Variants in USP26 observed in about 807,000 individuals in gnomAD.
USP26 encodes the protein ubiquitin carboxyl-terminal hydrolase 26.
For missense variants in USP26, 649 were observed against 642.3 expected (o/e 1.01, Z -0.11); for synonymous variants, 236 against 240.6 (o/e 0.98, Z 0.18).
chrX:133,057,940 C>T (rs868794067), intron 5 of USP26, among the ~76,000 whole-genome samples: 8 of 74,574 alleles, frequency 1.1e-4, no homozygotes, highest in African/African-American at 4.3e-4. Context: ...TGCAGTGGTG[C>T]GATCTTGGCT....
At chrX:133,068,289 T>C (rs752307211) in intron 5 of USP26, among the ~76,000 whole-genome samples, 2 of 111,648 alleles carry the variant, frequency 1.8e-5, no homozygotes, top group South Asian at 7.6e-4. Context: ...ATCAAAAAAC[T>C]ACCTATTGAT....
chrX:133,057,866 A>ATATATACATATTTTTTTTT (rs1412413450), intron 5 of USP26, among the ~76,000 whole-genome samples: 3 of 9,329 alleles, frequency 3.2e-4, no homozygotes, highest in African/African-American at 2.0e-3. Context: ...ATATATATAT[A>ATATATACATATTTTTTTTT]TTTTTTTTTT....
In USP26 at chrX:133,026,104, T is replaced by G. The variant is rs1045561672; in HGVS notation, c.2117A>C (p.Lys706Thr). Residue 706 changes from lysine to threonine, a missense_variant, in exon 6 of 6, where the codon AAG becomes ACG. Coordinates refer to ENST00000511190, the MANE Select transcript of USP26 (RefSeq NM_031907.3). Reference protein sequence around the residue: ...PKRKKYVKTSKFVAFDRIINP... With the variant: ...PKRKKYVKTSTFVAFDRIINP... ...GATAATCCTATCAAAAGCTACAAAC[T>G]TACTGGTTTTCACATATTTCTTTCG... 2.5e-6 allele frequency: 3 copies of G among 1,208,701 alleles called. No homozygotes were observed. The highest frequency in any genetic ancestry group is 4.4e-5 in the Admixed American group (2 of 45,510).
chrX:133,064,525 T>TGTC (rs1452152063), intron 5 of USP26, among the ~76,000 whole-genome samples: 3 of 110,013 alleles, frequency 2.7e-5, no homozygotes, highest in Admixed American at 9.7e-5. Flanking sequence ...TCATAACAGC[T>TGTC]TCTCAGACCA....
intron 1 of USP26, among the ~76,000 whole-genome samples, chrX:133,093,590 C>G (rs2067615420): frequency 9.2e-6 from 1 of 108,833 alleles, no homozygotes; most frequent in Non-Finnish European, 1.9e-5. Flanking sequence ...ACGATGGCAC[C>G]ACTGCACTCT....
intron 5 of USP26, among the ~76,000 whole-genome samples, chrX:133,036,537 C>T (rs1348250401): frequency 9.0e-6 from 1 of 111,730 alleles, no homozygotes; most frequent in Admixed American, 9.5e-5. Context: ...CACGGTATTC[C>T]ATGGTGTATA....
At chrX:133,076,298 G>A in intron 5 of USP26, among the ~76,000 whole-genome samples, 1 of 110,990 alleles carries the variant, frequency 9.0e-6, no homozygotes, top group Middle Eastern at 4.7e-3. Flanking sequence ...TTCCACAATG[G>A]TGACAGACTC....
chrX:133,067,506 A>C (rs1018316066), intron 5 of USP26, among the ~76,000 whole-genome samples: 3 of 112,872 alleles, frequency 2.7e-5, no homozygotes, highest in Non-Finnish European at 5.6e-5. Context: ...ATGAATAAAG[A>C]AAATGTTGCA....
At chrX:133,061,925 C>T (rs1197625444) in intron 5 of USP26, among the ~76,000 whole-genome samples, 3 of 111,341 alleles carry the variant, frequency 2.7e-5, no homozygotes, top group Admixed American at 9.5e-5. Flanking sequence ...GGAACCTGAG[C>T]GAGACAGAAC....
chrX:133,026,819 G>T lies in USP26; in HGVS notation c.1402C>A (p.Leu468Ile). ...GGATGTGCTTTTATTCTTTGGGGAA[G>T]GTTGATGGAGAGGTAATTATTCAGT... is the stretch of plus-strand genomic sequence containing the variant. Reference protein sequence around the residue: ...TELNNYLSINLPQRIKAHPSS... With the variant: ...TELNNYLSINIPQRIKAHPSS... The change falls in exon 6 of 6, where the codon CTT (leucine) becomes ATT (isoleucine). Residue 468 changes from leucine to isoleucine, a missense_variant. Transcript: ENST00000511190. The T allele has an allele frequency of 8.3e-7, 1 of 1,211,144 alleles. No homozygotes were observed. The highest frequency in any genetic ancestry group is 1.1e-6 in the Non-Finnish European group (1 of 895,233).
chrX:133,088,069 C>T (rs1456169245), intron 4 of USP26, among the ~76,000 whole-genome samples: 1 of 111,640 alleles, frequency 9.0e-6, no homozygotes, highest in African/African-American at 3.3e-5. Flanking sequence ...ACTCAGGGGG[C>T]TGAGGCATGA....
At chrX:133,064,423 T>C (rs1237145304) in intron 5 of USP26, among the ~76,000 whole-genome samples, 1 of 111,759 alleles carries the variant, frequency 8.9e-6, no homozygotes, top group African/African-American at 3.3e-5. Context: ...CAACAGAATA[T>C]ACATTCTTCT....
intron 5 of USP26, among the ~76,000 whole-genome samples, chrX:133,045,537 G>A (rs1602974911): frequency 8.9e-6 from 1 of 111,733 alleles, no homozygotes; most frequent in Non-Finnish European, 1.9e-5. Context: ...CTGCCTTTAT[G>A]AGCTGTAACA....
chrX:133,038,327 G>T (rs1444795961), intron 5 of USP26, among the ~76,000 whole-genome samples: 1 of 111,525 alleles, frequency 9.0e-6, no homozygotes, highest in Non-Finnish European at 1.9e-5. Context: ...TTATTATTTT[G>T]AGATATGTTG....
At chrX:133,070,739 T>C (rs2067527721) in intron 5 of USP26, among the ~76,000 whole-genome samples, 1 of 111,980 alleles carries the variant, frequency 8.9e-6, no homozygotes, top group Admixed American at 9.5e-5. Flanking sequence ...TATTTAATTA[T>C]TATTGGCTGA....
At chrX:133,080,290 C>A (rs1455189044) in intron 5 of USP26, among the ~76,000 whole-genome samples, 1 of 111,124 alleles carries the variant, frequency 9.0e-6, no homozygotes, top group Non-Finnish European at 1.9e-5. Flanking sequence ...GCACTGAAAC[C>A]TGGTACATAG....
At chrX:133,074,498 A>C (rs1414038133) in intron 5 of USP26, among the ~76,000 whole-genome samples, 3 of 112,451 alleles carry the variant, frequency 2.7e-5, no homozygotes, top group African/African-American at 9.7e-5. Context: ...TGAGAAGCTT[A>C]GATTAAGAAG....
In USP26 at chrX:133,083,943, A is replaced by G. The variant is rs139946681; in HGVS notation, c.-141-172T>C. On this transcript the variant is annotated intron_variant, in intron 4 of 5. Transcript: ENST00000511190. ...AGTCCTTGCCCCGTCATCAATCACT[A>G]TATCACCAGAAGGACCCATGCAAGG... Among the ~76,000 whole-genome samples, 201 of 111,710 alleles carry G rather than the reference A, an allele frequency of 1.8e-3. 3 individuals are homozygous for G. The East Asian group carries it at 0.037, about 21-fold the overall frequency.
At position 133,028,297 on chromosome X, in the gene USP26, C is replaced by T; in HGVS notation, c.-76-1G>A. ...GTTCCAATCTGTTTTGCAAGTTCAG[C>T]TGTGAAGACAACACCAAAGAAATAG... On this transcript the variant is annotated splice_acceptor_variant, in intron 5 of 5. Coordinates refer to ENST00000511190, the MANE Select transcript of USP26 (RefSeq NM_031907.3). LOFTEE classifies it low-confidence loss of function (5UTR_SPLICE). The T allele has an allele frequency of 9.2e-7, 1 of 1,084,558 alleles. No individual in the cohort carries two copies. The highest frequency in any genetic ancestry group is 1.9e-5 in the South Asian group (1 of 52,435). 89.4% of individuals were successfully genotyped at this position (1,084,558 alleles called of 1,213,427 possible). A position where few individuals can be genotyped will look rare whatever the true frequency, so the allele number is the denominator to read the frequency against.
Sources: allele counts gnomAD v4.1 joint callset (sites outside exome capture counted in the v4.1 genomes callset), GRCh38; gene constraint gnomAD v4.1.1; transcripts MANE v1.5; gene names NCBI Gene and HGNC (gene_info 2026-07-23, HGNC 2026-07-21).